Variants in TMEM117 observed in about 807,000 individuals in gnomAD.
The protein encoded by TMEM117 is transmembrane protein 117.
In TMEM117, 27 loss-of-function variants were observed where a neutral mutation model predicts 52.4. That is an observed-to-expected ratio of 0.51 (90% CI 0.38 to 0.71). The LOEUF is 0.71. Ranked by LOEUF, TMEM117 falls within the 30% of genes least tolerant of loss-of-function variation. The pLI is 0.00. For missense variants in TMEM117, 556 were observed against 630.5 expected (o/e 0.88, Z 1.26); for synonymous variants, 215 against 206.3 (o/e 1.04, Z -0.36).
intron 2 of TMEM117, among the ~76,000 whole-genome samples, chr12:43,891,852 C>T (rs1336596004): frequency 6.6e-6 from 1 of 152,008 alleles, no homozygotes; most frequent in Admixed American, 6.6e-5. Flanking sequence ...ATTCCTTAAC[C>T]TCTTGTGATC....
At chr12:43,892,893 A>G (rs1944133277) in intron 2 of TMEM117, among the ~76,000 whole-genome samples, 1 of 152,246 alleles carries the variant, frequency 6.6e-6, no homozygotes, top group African/African-American at 2.4e-5. Context: ...GCACTATTTT[A>G]GATAAGGTCA....
intron 5 of TMEM117, among the ~76,000 whole-genome samples, chr12:44,229,568 T>A (rs1380252592): frequency 2.6e-5 from 4 of 152,056 alleles, no homozygotes; most frequent in African/African-American, 9.7e-5. Context: ...TTTGGAACAA[T>A]TCACTTCTAG....
At chr12:43,942,385 A>G (rs1458899896) in intron 2 of TMEM117, among the ~76,000 whole-genome samples, 1 of 152,164 alleles carries the variant, frequency 6.6e-6, no homozygotes, top group Admixed American at 6.5e-5. Flanking sequence ...TCTTGTCAGT[A>G]TGTTGTGTGG....
At position 44,269,332 on chromosome 12, in the gene TMEM117, T is replaced by C. The variant is rs142678972; in HGVS notation, c.609-30248T>C. Among the ~76,000 whole-genome samples the C allele has an allele frequency of 5.5e-3, 833 of 152,230 alleles. 6 individuals are homozygous for C. The highest frequency in any genetic ancestry group is 0.024 in the Middle Eastern group (7 of 294). ...CACAACCCTTCTTGTAATTGACTCC[T>C]TTTGTTTTAAAATCCTAAATTATTC... is the stretch of plus-strand genomic sequence containing the variant. On this transcript the variant is annotated intron_variant, in intron 5 of 7. Coordinates refer to ENST00000266534, the MANE Select transcript of TMEM117 (RefSeq NM_032256.3).
chr12:44,362,489 G>C (rs886204807), intron 6 of TMEM117, among the ~76,000 whole-genome samples: 1 of 152,006 alleles, frequency 6.6e-6, no homozygotes, highest in Non-Finnish European at 1.5e-5. Flanking sequence ...GCTGTATCAA[G>C]GCTTAGTAGG....
chr12:44,243,504 A>C (rs901069859), intron 5 of TMEM117, among the ~76,000 whole-genome samples: 1 of 151,906 alleles, frequency 6.6e-6, no homozygotes, highest in Non-Finnish European at 1.5e-5. Flanking sequence ...AATTTAATTG[A>C]CAAGTAATAA....
chr12:44,260,283 A>AGACTC (rs1950305944), intron 5 of TMEM117, among the ~76,000 whole-genome samples: 1 of 152,224 alleles, frequency 6.6e-6, no homozygotes, highest in Non-Finnish European at 1.5e-5. Flanking sequence ...TGTGTCTTAC[A>AGACTC]GACTCACTTG....
At chr12:43,990,810 A>C (rs190284349) in intron 3 of TMEM117, among the ~76,000 whole-genome samples, 1 of 152,298 alleles carries the variant, frequency 6.6e-6, no homozygotes, top group African/African-American at 2.4e-5. Flanking sequence ...AATATTAGAA[A>C]AGCAATAAAG....
chr12:44,384,057 G>C (rs1952056180), intron 7 of TMEM117, among the ~76,000 whole-genome samples: 1 of 152,082 alleles, frequency 6.6e-6, no homozygotes, highest in African/African-American at 2.4e-5. Context: ...CACAGGGGTT[G>C]GGTTGCCCTG....
chr12:43,808,416 C>T, the TMEM117 span, among the ~76,000 whole-genome samples: 2 of 152,012 alleles, frequency 1.3e-5, no homozygotes, highest in Non-Finnish European at 2.9e-5. Flanking sequence ...GCTGGTTTAC[C>T]CAATATACAC....
intron 3 of TMEM117, among the ~76,000 whole-genome samples, chr12:44,043,442 A>T (rs1946832205): frequency 6.6e-6 from 1 of 152,198 alleles, no homozygotes; most frequent in Non-Finnish European, 1.5e-5. Context: ...GAGGACCCTG[A>T]TGAAGCTGGG....
chr12:44,285,428 A>G (rs1950626588), intron 5 of TMEM117, among the ~76,000 whole-genome samples: 1 of 152,206 alleles, frequency 6.6e-6, no homozygotes, highest in South Asian at 2.1e-4. Context: ...CAAGGATGCT[A>G]TCTTAACAAA....
intron 3 of TMEM117, among the ~76,000 whole-genome samples, chr12:43,983,649 A>G (rs995251127): frequency 2.0e-5 from 3 of 151,568 alleles, no homozygotes; most frequent in Non-Finnish European, 4.4e-5. Flanking sequence ...TTTACTTTAT[A>G]TATAAGTAAC....
At chr12:44,176,006 A>T (rs900085216) in intron 4 of TMEM117, among the ~76,000 whole-genome samples, 1 of 152,186 alleles carries the variant, frequency 6.6e-6, no homozygotes, top group Admixed American at 6.5e-5. Flanking sequence ...TTATTCAAGA[A>T]GTTTGTAATG....
chr12:43,944,972 G>A (rs866013006), intron 3 of TMEM117, among the ~76,000 whole-genome samples: 1 of 152,004 alleles, frequency 6.6e-6, no homozygotes, highest in African/African-American at 2.4e-5. Flanking sequence ...TTAGGTAGGC[G>A]TGGTGGTGTA....
intron 4 of TMEM117, among the ~76,000 whole-genome samples, chr12:44,165,864 G>A (rs1424092298): frequency 1.3e-5 from 2 of 152,154 alleles, no homozygotes; most frequent in African/African-American, 4.8e-5. Flanking sequence ...CTGCACTTTA[G>A]ACCAAATGGA....
chr12:44,261,930 T>C lies in TMEM117; in HGVS notation c.609-37650T>C, dbSNP rs573781815. Among the ~76,000 whole-genome samples, 6 of 152,332 alleles carry C rather than the reference T, an allele frequency of 3.9e-5. No homozygotes were observed. In the South Asian group the frequency reaches 8.3e-4, roughly 21 times the overall value. ...AATTCTCTATTGATTTGGGTATGAA[T>C]TACAAGTTAATGACTTTTGTTCAAA... On this transcript the variant is annotated intron_variant, in intron 5 of 7. Transcript: ENST00000266534.
intron 3 of TMEM117, among the ~76,000 whole-genome samples, chr12:44,063,505 A>G (rs759463054): frequency 6.6e-6 from 1 of 151,932 alleles, no homozygotes; most frequent in Admixed American, 6.6e-5. Flanking sequence ...TCTAGGGTAC[A>G]TGTGCACAAC....
chr12:44,161,214 A>T (rs1948893786), intron 4 of TMEM117, among the ~76,000 whole-genome samples: 1 of 152,146 alleles, frequency 6.6e-6, no homozygotes, highest in African/African-American at 2.4e-5. Context: ...TTTTGATGAA[A>T]TTTTTCTGAA....
Sources: gnomAD v4.1 joint callset for allele counts (sites outside exome capture counted in the v4.1 genomes callset) on GRCh38, gnomAD v4.1.1 for gene constraint, MANE v1.5 for transcripts, NCBI Gene and HGNC (gene_info 2026-07-23, HGNC 2026-07-21) for gene names.